The following ARL15 variants were observed in gnomAD, a reference collection of about 807,000 sequenced individuals.
ARL15 encodes ARF like GTPase 15.
ARL15 carries 19 observed loss-of-function variants against 25.2 expected under a neutral mutation model. That is an observed-to-expected ratio of 0.75 (90% CI 0.53 to 1.10). ARL15 has a LOEUF of 1.10. Ranked by LOEUF, ARL15 falls within the 50% of genes least tolerant of loss-of-function variation. The probability of loss-of-function intolerance (pLI) is 0.00; values close to 1 mark genes in which losing one functional copy is unlikely to be tolerated. For missense variants in ARL15, 220 were observed against 246.0 expected (o/e 0.89, Z 0.71); for synonymous variants, 94 against 86.8 (o/e 1.08, Z -0.46).
At chr5:54,264,585 C>G (rs1392616275) in intron 1 of ARL15, among the ~76,000 whole-genome samples, 2 of 152,142 alleles carry the variant, frequency 1.3e-5, no homozygotes, top group East Asian at 3.9e-4. Flanking sequence ...CTAACCTCAT[C>G]TCCTCTATTC....
intron 4 of ARL15, among the ~76,000 whole-genome samples, chr5:53,925,797 G>C (rs1167621435): frequency 2.0e-5 from 3 of 151,952 alleles, no homozygotes; most frequent in Non-Finnish European, 4.4e-5. Context: ...GACAGAGCAA[G>C]ACCTTGTCTT....
At chr5:54,195,374 C>T (rs28629962) in intron 1 of ARL15, among the ~76,000 whole-genome samples, 168 of 152,248 alleles carry the variant, frequency 1.1e-3, no homozygotes, top group African/African-American at 3.9e-3. Flanking sequence ...TAAAAGGTTA[C>T]AAAACATGGT....
chr5:54,005,953 G>A (rs1222665701), intron 4 of ARL15, among the ~76,000 whole-genome samples: 1 of 150,426 alleles, frequency 6.6e-6, no homozygotes, highest in Non-Finnish European at 1.5e-5. Context: ...GCTGGGAGGA[G>A]GCACAAGAAT....
At chr5:53,995,303 CAAAAAAAAAAAA>C (rs34234639) in intron 4 of ARL15, among the ~76,000 whole-genome samples, 1 of 44,682 alleles carries the variant, frequency 2.2e-5, no homozygotes, top group African/African-American at 8.5e-5. Flanking sequence ...GACTCCGTCA[CAAAAAAAAAAAA>C]AAAAAAAAAA....
intron 1 of ARL15, among the ~76,000 whole-genome samples, chr5:54,192,664 G>A: frequency 1.0e-5 from 1 of 99,754 alleles, no homozygotes. Context: ...AGTTGGGGTG[G>A]GGGGCGGGTC....
At chr5:54,188,158 G>A (rs893400695) in intron 1 of ARL15, among the ~76,000 whole-genome samples, 1 of 152,082 alleles carries the variant, frequency 6.6e-6, no homozygotes, top group Non-Finnish European at 1.5e-5. Flanking sequence ...AAAAAATGGA[G>A]CAATCATATT....
At chr5:54,276,153 C>G (rs1757924287) in intron 1 of ARL15, among the ~76,000 whole-genome samples, 1 of 152,156 alleles carries the variant, frequency 6.6e-6, no homozygotes. Context: ...CATTTCCACT[C>G]AAATCATTAA....
intron 4 of ARL15, among the ~76,000 whole-genome samples, chr5:53,958,290 AGAG>A (rs1266571914): frequency 1.3e-5 from 2 of 152,234 alleles, no homozygotes; most frequent in Non-Finnish European, 1.5e-5. Flanking sequence ...AACAACATAA[AGAG>A]GAGGAGAACA....
At chr5:54,058,667 C>T (rs10038225) in intron 4 of ARL15, among the ~76,000 whole-genome samples, 1 of 152,044 alleles carries the variant, frequency 6.6e-6, no homozygotes, top group Non-Finnish European at 1.5e-5. Context: ...GGAGCAGAAG[C>T]GGGACAGTGT....
intron 1 of ARL15, among the ~76,000 whole-genome samples, chr5:54,240,871 T>A (rs1183684832): frequency 6.6e-6 from 1 of 152,196 alleles, no homozygotes; most frequent in Non-Finnish European, 1.5e-5. Flanking sequence ...GATTTCAGAT[T>A]TTTGAATTGG....
intron 1 of ARL15, among the ~76,000 whole-genome samples, chr5:54,242,712 G>A (rs1756991914): frequency 1.3e-5 from 2 of 152,120 alleles, no homozygotes; most frequent in South Asian, 4.1e-4. Flanking sequence ...CTGAAAACGG[G>A]GTTAGGTAAG....
chr5:54,130,357 C>T (rs1008730490), intron 3 of ARL15, among the ~76,000 whole-genome samples: 3 of 152,178 alleles, frequency 2.0e-5, no homozygotes, highest in Non-Finnish European at 4.4e-5. Flanking sequence ...CACTCTCTTT[C>T]CTAATGCAAC....
At chr5:54,080,967 G>T (rs913304339) in intron 4 of ARL15, among the ~76,000 whole-genome samples, 3 of 152,070 alleles carry the variant, frequency 2.0e-5, no homozygotes, top group Admixed American at 6.6e-5. Flanking sequence ...CTTCACGTAG[G>T]GAAAAAGAGA....
intron 4 of ARL15, among the ~76,000 whole-genome samples, chr5:54,049,657 G>A (rs1021496676): frequency 1.3e-5 from 2 of 152,090 alleles, no homozygotes; most frequent in African/African-American, 4.8e-5. Context: ...CTGGAGTGCA[G>A]TGACACAATC....
At chr5:54,301,442 G>A (rs1016724373) in intron 1 of ARL15, among the ~76,000 whole-genome samples, 1 of 152,160 alleles carries the variant, frequency 6.6e-6, no homozygotes, top group Non-Finnish European at 1.5e-5. Context: ...ACTGAGAAGG[G>A]TGGAGGAGGA....
intron 2 of ARL15, among the ~76,000 whole-genome samples, chr5:54,164,656 T>C (rs1459973916): frequency 6.6e-6 from 1 of 152,096 alleles, no homozygotes; most frequent in African/African-American, 2.4e-5. Flanking sequence ...CTACATTGTC[T>C]AATATTAACA....
chr5:53,892,000 G>A (rs902476457), intron 4 of ARL15, among the ~76,000 whole-genome samples: 1 of 152,110 alleles, frequency 6.6e-6, no homozygotes, highest in African/African-American at 2.4e-5. Flanking sequence ...AAGAGTACAG[G>A]GTTTTCCCCC....
chr5:54,310,383 G>A lies in ARL15; in HGVS notation c.48+49C>T, dbSNP rs751808215. On this transcript the variant is annotated intron_variant, in intron 1 of 4. Transcript: ENST00000504924. ...TGCTCCTCAAGGCAGGGGGCCATCG[G>A]GCACGCCGAGATCCGAGAGGCGACA... 5 of 1,583,586 alleles carry A rather than the reference G, an allele frequency of 3.2e-6. No homozygotes were observed. The East Asian group carries it at 1.2e-4, about 37-fold the overall frequency.
chr5:53,969,454 T>C (rs746608943), intron 4 of ARL15, among the ~76,000 whole-genome samples: 8 of 152,192 alleles, frequency 5.3e-5, no homozygotes, highest in Non-Finnish European at 8.8e-5. Context: ...CTTAGAAAGA[T>C]GGATTCTCAA....
Sources: gnomAD v4.1 joint callset for allele counts (sites outside exome capture counted in the v4.1 genomes callset) on GRCh38, gnomAD v4.1.1 for gene constraint, MANE v1.5 for transcripts, NCBI Gene and HGNC (gene_info 2026-07-23, HGNC 2026-07-21) for gene names.